Variants in CNTN5 observed in about 807,000 individuals in gnomAD.
CNTN5 encodes the protein contactin-5.
In CNTN5, 77 loss-of-function variants were observed where a neutral mutation model predicts 129.1. That is an observed-to-expected ratio of 0.60 (90% CI 0.50 to 0.72). CNTN5 has a LOEUF of 0.72. Ranked by LOEUF, CNTN5 falls within the 30% of genes least tolerant of loss-of-function variation. CNTN5 has a pLI of 0.00. For synonymous variants in CNTN5, 509 were observed against 465.6 expected (o/e 1.09, Z -1.20); for missense variants, 1,478 against 1,328.8 (o/e 1.11, Z -1.75).
At chr11:99,751,584 A>G (rs777086217) in intron 3 of CNTN5, among the ~76,000 whole-genome samples, 44 of 152,178 alleles carry the variant, frequency 2.9e-4, no homozygotes, top group Non-Finnish European at 5.6e-4. Flanking sequence ...CGTGCATAGT[A>G]CAGTTTAAAG....
intron 1 of CNTN5, among the ~76,000 whole-genome samples, chr11:99,188,347 T>C (rs1488890421): frequency 6.6e-6 from 1 of 151,824 alleles, no homozygotes; most frequent in Non-Finnish European, 1.5e-5. Context: ...ATTTTGCTAG[T>C]GGTGTCCAAG....
chr11:100,295,339 T>C (rs1399893085), intron 18 of CNTN5, among the ~76,000 whole-genome samples: 2 of 151,456 alleles, frequency 1.3e-5, no homozygotes, highest in Admixed American at 6.6e-5. Context: ...TCACATACTT[T>C]CAAAAAATGA....
chr11:99,990,949 G>A (rs1276233659), intron 8 of CNTN5, among the ~76,000 whole-genome samples: 1 of 152,188 alleles, frequency 6.6e-6, no homozygotes, highest in African/African-American at 2.4e-5. Flanking sequence ...TGTTGCAACA[G>A]AGCTAGGGCT....
At chr11:99,838,073 G>A (rs1466807236) in intron 4 of CNTN5, among the ~76,000 whole-genome samples, 1 of 152,070 alleles carries the variant, frequency 6.6e-6, no homozygotes, top group Non-Finnish European at 1.5e-5. Flanking sequence ...AAAATCTTGA[G>A]TAAAGTATGT....
intron 3 of CNTN5, among the ~76,000 whole-genome samples, chr11:99,703,858 T>C (rs574388628): frequency 6.6e-6 from 1 of 150,978 alleles, no homozygotes; most frequent in Non-Finnish European, 1.5e-5. Flanking sequence ...GAAATTTCGT[T>C]GCTAGAAATT....
chr11:99,771,615 G>A (rs1944949270), intron 3 of CNTN5, among the ~76,000 whole-genome samples: 1 of 151,974 alleles, frequency 6.6e-6, no homozygotes, highest in South Asian at 2.1e-4. Context: ...GAAAAGCAGA[G>A]AATAGAATGG....
intron 1 of CNTN5, among the ~76,000 whole-genome samples, chr11:99,021,780 C>T (rs1052356439): frequency 1.3e-5 from 2 of 152,138 alleles, no homozygotes; most frequent in African/African-American, 4.8e-5. Context: ...GTTCGTGAGA[C>T]TGAGAAAAAC....
intron 3 of CNTN5, among the ~76,000 whole-genome samples, chr11:99,610,478 T>A (rs1330330515): frequency 6.6e-6 from 1 of 152,176 alleles, no homozygotes; most frequent in Non-Finnish European, 1.5e-5. Context: ...ACATATTTTG[T>A]TTTCCAGACA....
chr11:99,686,575 G>GT lies in CNTN5; in HGVS notation c.55+130314dup, dbSNP rs892956027. 4.0e-5 allele frequency among the ~76,000 whole-genome samples: 6 copies of GT among 151,826 alleles called. No homozygotes were observed. In the East Asian group the frequency reaches 7.7e-4, roughly 20 times the overall value. ...TGCTTTTGCAATGCCGTTATTTAAA[G>GT]TTTTTTTTCCGGAACTTTTATCTCT... On this transcript the variant is annotated intron_variant, in intron 3 of 24. Coordinates refer to ENST00000524871, the MANE Select transcript of CNTN5 (RefSeq NM_014361.4).
At chr11:99,810,364 T>C (rs967064398) in intron 3 of CNTN5, among the ~76,000 whole-genome samples, 1 of 152,156 alleles carries the variant, frequency 6.6e-6, no homozygotes, top group Non-Finnish European at 1.5e-5. Flanking sequence ...TTCAGTCTTA[T>C]GCAAGGAATA....
intron 2 of CNTN5, among the ~76,000 whole-genome samples, chr11:99,485,117 T>G (rs1945758554): frequency 6.6e-6 from 1 of 152,120 alleles, no homozygotes; most frequent in Non-Finnish European, 1.5e-5. Context: ...GATATGCTAA[T>G]TATTCTGATC....
intron 1 of CNTN5, among the ~76,000 whole-genome samples, chr11:99,106,491 T>G (rs1289306369): frequency 6.6e-6 from 1 of 152,022 alleles, no homozygotes; most frequent in Non-Finnish European, 1.5e-5. Context: ...TTAAATGGAA[T>G]GTAGTTCCTA....
intron 1 of CNTN5, among the ~76,000 whole-genome samples, chr11:99,088,341 G>A (rs1447925879): frequency 2.0e-5 from 3 of 152,078 alleles, no homozygotes; most frequent in Admixed American, 1.3e-4. Context: ...ATATGATTTT[G>A]GAGGAATACT....
chr11:99,748,613 C>T (rs1944134918), intron 3 of CNTN5, among the ~76,000 whole-genome samples: 1 of 152,266 alleles, frequency 6.6e-6, no homozygotes, highest in Non-Finnish European at 1.5e-5. Flanking sequence ...TAGCCCAGTT[C>T]AAAAGGCCTG....
At chr11:99,239,760 C>T (rs1188660344) in intron 1 of CNTN5, among the ~76,000 whole-genome samples, 1 of 151,976 alleles carries the variant, frequency 6.6e-6, no homozygotes, top group Non-Finnish European at 1.5e-5. Context: ...ACGGTGAAAC[C>T]CCGTCTCTAC....
chr11:99,800,407 A>G (rs1418460654), intron 3 of CNTN5, among the ~76,000 whole-genome samples: 3 of 151,686 alleles, frequency 2.0e-5, no homozygotes, highest in Non-Finnish European at 4.4e-5. Context: ...GTAGATGTGA[A>G]GAATTTATAC....
At chr11:99,352,359 A>T (rs925879066) in intron 2 of CNTN5, among the ~76,000 whole-genome samples, 4 of 152,188 alleles carry the variant, frequency 2.6e-5, no homozygotes, top group Non-Finnish European at 5.9e-5. Flanking sequence ...TTTTGAGAGT[A>T]TTAATGCAGT....
At chr11:99,034,333 C>T (rs1863581528) in intron 1 of CNTN5, among the ~76,000 whole-genome samples, 1 of 151,912 alleles carries the variant, frequency 6.6e-6, no homozygotes, top group African/African-American at 2.4e-5. Context: ...GGAATAGTTT[C>T]AGAAGGAATG....
intron 3 of CNTN5, among the ~76,000 whole-genome samples, chr11:99,784,932 T>G (rs1192003653): frequency 6.6e-6 from 1 of 150,868 alleles, no homozygotes; most frequent in Non-Finnish European, 1.5e-5. Flanking sequence ...CCCAAATAGG[T>G]GAGACTACAG....
Sources: allele counts gnomAD v4.1 joint callset (sites outside exome capture counted in the v4.1 genomes callset), GRCh38; gene constraint gnomAD v4.1.1; transcripts MANE v1.5; gene names NCBI Gene and HGNC (gene_info 2026-07-23, HGNC 2026-07-21).